KCNK13: variants seen among roughly 807,000 people sequenced by gnomAD.
KCNK13 encodes the protein potassium two pore domain channel subfamily K member 13.
KCNK13 carries 12 observed loss-of-function variants against 23.4 expected under a neutral mutation model. The ratio of observed to expected loss-of-function variants is 0.51; its 90% confidence interval spans 0.33 to 0.83. KCNK13 has a LOEUF of 0.83. Ranked by LOEUF, KCNK13 falls within the 40% of genes least tolerant of loss-of-function variation. KCNK13 has a pLI of 0.02. For synonymous variants in KCNK13, 231 were observed against 229.5 expected (o/e 1.01, Z -0.06); for missense variants, 463 against 556.3 (o/e 0.83, Z 1.69).
intron 1 of KCNK13, among the ~76,000 whole-genome samples, chr14:90,145,902 G>A (rs1444669218): frequency 2.0e-5 from 3 of 151,960 alleles, no homozygotes; most frequent in Non-Finnish European, 4.4e-5. Context: ...TGGGGGGGTG[G>A]GGAGGTGCCG....
At chr14:90,108,299 C>T (rs959923213) in intron 1 of KCNK13, among the ~76,000 whole-genome samples, 1 of 152,120 alleles carries the variant, frequency 6.6e-6, no homozygotes, top group Non-Finnish European at 1.5e-5. Context: ...CTGTTCTCCA[C>T]GTGTCGGCAT....
intron 1 of KCNK13, among the ~76,000 whole-genome samples, chr14:90,064,602 T>A (rs1339349359): frequency 2.0e-5 from 3 of 152,152 alleles, no homozygotes; most frequent in African/African-American, 7.2e-5. Context: ...ATCTACAGAG[T>A]GCCCACCTTG....
chr14:90,167,755 T>A (rs948563353), intron 1 of KCNK13, among the ~76,000 whole-genome samples: 1 of 152,148 alleles, frequency 6.6e-6, no homozygotes, highest in Non-Finnish European at 1.5e-5. Context: ...TGCATCTCCC[T>A]CTTCCTCTGC....
intron 1 of KCNK13, among the ~76,000 whole-genome samples, chr14:90,124,158 C>T (rs1889769748): frequency 6.6e-6 from 1 of 152,176 alleles, no homozygotes; most frequent in African/African-American, 2.4e-5. Context: ...ATATCAGCAC[C>T]GCAGCAGAAC....
At chr14:90,095,267 C>T (rs748606960) in intron 1 of KCNK13, among the ~76,000 whole-genome samples, 2 of 152,132 alleles carry the variant, frequency 1.3e-5, no homozygotes, top group Non-Finnish European at 2.9e-5. Context: ...GTGCTGAGAT[C>T]AAGTGGCTCT....
At chr14:90,071,717 T>C (rs575087091) in intron 1 of KCNK13, among the ~76,000 whole-genome samples, 1 of 152,158 alleles carries the variant, frequency 6.6e-6, no homozygotes, top group East Asian at 1.9e-4. Flanking sequence ...GCCAACATGG[T>C]GAAACCCTGT....
chr14:90,182,583 A>G (rs1890500598), intron 1 of KCNK13, among the ~76,000 whole-genome samples: 1 of 152,096 alleles, frequency 6.6e-6, no homozygotes, highest in South Asian at 2.1e-4. Flanking sequence ...GTGCTTTGGG[A>G]GGCTGAGGTG....
chr14:90,088,148 G>A (rs544307552), intron 1 of KCNK13, among the ~76,000 whole-genome samples: 1 of 152,206 alleles, frequency 6.6e-6, no homozygotes, highest in South Asian at 2.1e-4. Flanking sequence ...GATTACAGGT[G>A]TGTGCCACCA....
At chr14:90,112,142 T>A (rs766321302) in intron 1 of KCNK13, among the ~76,000 whole-genome samples, 25 of 152,232 alleles carry the variant, frequency 1.6e-4, no homozygotes, top group Non-Finnish European at 4.4e-5. Flanking sequence ...TCGTTCTCCT[T>A]GGCCCTTCTT....
chr14:90,101,790 C>CAAAAACAAAAAAAAA (rs1889481181), intron 1 of KCNK13, among the ~76,000 whole-genome samples: 1 of 55,594 alleles, frequency 1.8e-5, no homozygotes, highest in Admixed American at 2.1e-4. Flanking sequence ...ACTCCGTCTC[C>CAAAAACAAAAAAAAA]AAAAAAAAAA....
chr14:90,114,446 G>A (rs573468081), intron 1 of KCNK13, among the ~76,000 whole-genome samples: 104 of 152,202 alleles, frequency 6.8e-4, no homozygotes, highest in Non-Finnish European at 1.1e-3. Flanking sequence ...CCTCGGCTTT[G>A]GGATTTTAAA....
chr14:90,184,675 C>T lies in KCNK13; in HGVS notation c.899C>T (p.Pro300Leu), dbSNP rs369202821. The stretch of plus-strand genomic sequence containing the variant: ...AGGAAAATGGACAGCGGGTGCTGCC[C>T]GCAATGCCAGAGAGGACTCTTGCGA... ...ILRKMDSGCC[P>L]QCQRGLLRSR... Residue 300 changes from proline (P) to leucine (L), a missense_variant, in exon 2 of 2, where the codon CCG (proline) becomes CTG (leucine). Physicochemically the swap from Pro to Leu is moderately conservative, Grantham distance 98 (BLOSUM62 -3). This residue lies in a region of KCNK13 where 166 missense variants were observed against 178.8 expected (regional missense o/e 0.93). Transcript: ENST00000282146. The surrounding 1 kb of genome is among the most constrained non-coding windows in gnomAD (Gnocchi z 5.6). 55 of 1,614,242 alleles carry T rather than the reference C, an allele frequency of 3.4e-5. 1 individual carries two copies. The highest frequency in any genetic ancestry group is 2.5e-4 in the South Asian group (23 of 91,082).
At chr14:90,173,479 T>C (rs961498098) in intron 1 of KCNK13, among the ~76,000 whole-genome samples, 1 of 152,196 alleles carries the variant, frequency 6.6e-6, no homozygotes, top group Non-Finnish European at 1.5e-5. Flanking sequence ...ATTGCATTCA[T>C]AAGTGTATGT....
chr14:90,177,817 T>C (rs907255344), intron 1 of KCNK13, among the ~76,000 whole-genome samples: 1 of 152,200 alleles, frequency 6.6e-6, no homozygotes, highest in Non-Finnish European at 1.5e-5. Context: ...CTCAATTTCA[T>C]GTTCTAGGAG....
chr14:90,110,283 G>A (rs1416919131), intron 1 of KCNK13, among the ~76,000 whole-genome samples: 7 of 152,170 alleles, frequency 4.6e-5, no homozygotes, highest in Admixed American at 2.6e-4. Context: ...AGGCCAAGAC[G>A]GGTGGATGAC....
At chr14:90,171,607 C>T (rs186217825) in intron 1 of KCNK13, among the ~76,000 whole-genome samples, 38 of 152,202 alleles carry the variant, frequency 2.5e-4, no homozygotes, top group African/African-American at 7.9e-4. Context: ...AGACATGAGA[C>T]GTCAATTAAT....
intron 1 of KCNK13, among the ~76,000 whole-genome samples, chr14:90,155,743 GA>G: frequency 6.6e-6 from 1 of 151,836 alleles, no homozygotes; most frequent in East Asian, 1.9e-4. Context: ...GCTATTTTTT[GA>G]AAAAAGAAAA....
intron 1 of KCNK13, among the ~76,000 whole-genome samples, chr14:90,127,648 TAA>T (rs11323596): frequency 2.3e-3 from 312 of 137,792 alleles, no homozygotes; most frequent in Non-Finnish European, 2.2e-3. Flanking sequence ...CCCCCAACTC[TAA>T]AAAAAAAAAA....
At chr14:90,101,592 CACCCTGCGCAACA>C (rs1485475050) in intron 1 of KCNK13, among the ~76,000 whole-genome samples, 4 of 151,578 alleles carry the variant, frequency 2.6e-5, no homozygotes, top group Admixed American at 2.6e-4. Context: ...AGTTTGAAAC[CACCCTGCGCAACA>C]TGGTGAAACC....
Sources: allele counts gnomAD v4.1 joint callset (sites outside exome capture counted in the v4.1 genomes callset), GRCh38; gene constraint gnomAD v4.1.1; regional missense constraint gnomAD v4.1.1; non-coding constraint Gnocchi (gnomAD v3.1); transcripts MANE v1.5; gene names NCBI Gene and HGNC (gene_info 2026-07-23, HGNC 2026-07-21).